The following DAB1 variants were observed in gnomAD, a reference collection of about 807,000 sequenced individuals.
DAB1 encodes the protein disabled homolog 1.
A neutral mutation model predicts 64.6 loss-of-function variants in DAB1; 15 were observed. The observed-to-expected ratio is 0.23, with a 90% confidence interval of 0.16 to 0.36. DAB1 has a LOEUF of 0.36. Ranked by LOEUF, DAB1 falls within the 10% of genes least tolerant of loss-of-function variation. The pLI is 1.00. For missense variants in DAB1, 596 were observed against 706.7 expected (o/e 0.84, Z 1.78); for synonymous variants, 235 against 251.9 (o/e 0.93, Z 0.64).
intron 2 of DAB1, chr1:58,506,334 C>A: frequency 1.7e-6 from 1 of 583,398 alleles, no homozygotes; most frequent in Non-Finnish European, 3.0e-6. Flanking sequence ...ATGTGCACAA[C>A]GTGCAGGTTT....
intron 4 of DAB1, among the ~76,000 whole-genome samples, chr1:58,192,913 G>T (rs1004674572): frequency 1.3e-5 from 2 of 152,002 alleles, no homozygotes; most frequent in Admixed American, 1.3e-4. Flanking sequence ...GATGGAGGGT[G>T]GTAATGAACA....
intron 7 of DAB1, among the ~76,000 whole-genome samples, chr1:57,525,989 G>A (rs1570597053): frequency 6.7e-6 from 1 of 149,056 alleles, no homozygotes; most frequent in Admixed American, 6.7e-5. Flanking sequence ...CCAGGCTGGA[G>A]TGCAGTGGCA....
intron 1 of DAB1, among the ~76,000 whole-genome samples, chr1:57,313,129 G>A (rs1054742060): frequency 6.6e-6 from 1 of 152,208 alleles, no homozygotes; most frequent in Admixed American, 6.5e-5. Context: ...CACTGTTTCT[G>A]TGGAAATGAT....
intron 6 of DAB1, among the ~76,000 whole-genome samples, chr1:57,673,211 T>A (rs910646666): frequency 1.1e-4 from 16 of 152,130 alleles, no homozygotes; most frequent in Non-Finnish European, 1.6e-4. Flanking sequence ...GGGACTTCAA[T>A]GAAGACTCTT....
chr1:57,781,086 T>TTCTCTCTCTCTCTCTC (rs1180662610), intron 6 of DAB1, among the ~76,000 whole-genome samples: 5 of 42,116 alleles, frequency 1.2e-4, no homozygotes, highest in Admixed American at 3.6e-4. Flanking sequence ...TTTGAGATCA[T>TTCTCTCTCTCTCTCTC]TCTCTCTCTC....
At chr1:58,062,555 C>T (rs1648569457) in intron 5 of DAB1, among the ~76,000 whole-genome samples, 1 of 152,216 alleles carries the variant, frequency 6.6e-6, no homozygotes, top group Non-Finnish European at 1.5e-5. Context: ...CATCTTGCTG[C>T]TCTGCTGCTC....
chr1:58,358,918 C>G (rs148309941), intron 3 of DAB1, among the ~76,000 whole-genome samples: 3 of 55,176 alleles, frequency 5.4e-5, no homozygotes, highest in South Asian at 1.0e-3. Flanking sequence ...TCTCTCCCCC[C>G]CTTCCTTTCT....
At chr1:57,033,253 G>A (rs1199461125) in intron 9 of DAB1, 17 of 913,798 alleles carry the variant, frequency 1.9e-5, no homozygotes, top group African/African-American at 3.3e-5. Context: ...TCTTCCTGGG[G>A]ACATTTGAAT....
intron 4 of DAB1, among the ~76,000 whole-genome samples, chr1:57,136,271 A>G (rs961466689): frequency 3.3e-5 from 5 of 152,210 alleles, no homozygotes; most frequent in Non-Finnish European, 5.9e-5. Flanking sequence ...CACATTACCC[A>G]TTGATCTTCA....
At chr1:58,072,924 A>T (rs1019220068) in intron 5 of DAB1, among the ~76,000 whole-genome samples, 2 of 152,222 alleles carry the variant, frequency 1.3e-5, no homozygotes, top group Non-Finnish European at 2.9e-5. Context: ...ACTGGCCATG[A>T]TAATAATTGC....
chr1:58,154,562 CA>C (rs1422352266), intron 4 of DAB1, among the ~76,000 whole-genome samples: 1 of 152,120 alleles, frequency 6.6e-6, no homozygotes, highest in East Asian at 1.9e-4. Context: ...GCAGGAAAAA[CA>C]GAGATATATA....
At chr1:58,283,252 G>GA (rs1661607426) in intron 4 of DAB1, among the ~76,000 whole-genome samples, 1 of 151,956 alleles carries the variant, frequency 6.6e-6, no homozygotes, top group South Asian at 2.1e-4. Flanking sequence ...GAGAGAAGAA[G>GA]AATTTGTATT....
chr1:58,290,552 A>C (rs1021737263), intron 4 of DAB1, among the ~76,000 whole-genome samples: 5 of 152,174 alleles, frequency 3.3e-5, no homozygotes, highest in African/African-American at 4.8e-5. Flanking sequence ...ATGTCACAGT[A>C]GTTGTAAAAA....
At chr1:58,327,614 G>C (rs947406) in intron 4 of DAB1, among the ~76,000 whole-genome samples, 50,143 of 152,008 alleles carry the variant, frequency 0.33, 8,331 homozygotes, top group Middle Eastern at 0.43. Flanking sequence ...GATGCGAATA[G>C]TACTGCTTCA....
intron 6 of DAB1, among the ~76,000 whole-genome samples, chr1:57,771,236 T>TATACCACAATC (rs1389547530): frequency 1.3e-5 from 2 of 152,152 alleles, no homozygotes; most frequent in African/African-American, 4.8e-5. Context: ...CTTGCTTGAC[T>TATACCACAATC]ATACCACAAT....
intron 5 of DAB1, among the ~76,000 whole-genome samples, chr1:58,107,646 T>C (rs2806411): frequency 0.99 from 151,115 of 152,028 alleles, 75,107 homozygotes; most frequent in Middle Eastern, 1. Context: ...GATGGAGTTT[T>C]GCTCTTGTCA....
At chr1:57,264,651 C>T (rs1273924732) in intron 2 of DAB1, among the ~76,000 whole-genome samples, 6 of 152,222 alleles carry the variant, frequency 3.9e-5, no homozygotes, top group Middle Eastern at 3.4e-3. Flanking sequence ...GAATGAGGAC[C>T]CCTGAACATG....
intron 7 of DAB1, among the ~76,000 whole-genome samples, chr1:57,453,875 A>C (rs1301984105): frequency 7.0e-6 from 1 of 142,396 alleles, no homozygotes; most frequent in Non-Finnish European, 1.5e-5. Context: ...ATGAAAGAAG[A>C]AAAAAGAAGA....
At chr1:57,962,344 G>C (rs1465491597) in intron 5 of DAB1, among the ~76,000 whole-genome samples, 2 of 151,728 alleles carry the variant, frequency 1.3e-5, no homozygotes, top group Non-Finnish European at 2.9e-5. Context: ...TTTTTCCATG[G>C]GCATAGTGTA....
Sources: gnomAD v4.1 joint callset for allele counts (sites outside exome capture counted in the v4.1 genomes callset) on GRCh38, gnomAD v4.1.1 for gene constraint, MANE v1.5 for transcripts, NCBI Gene and HGNC (gene_info 2026-07-23, HGNC 2026-07-21) for gene names.